STK33: variants seen among roughly 807,000 people sequenced by gnomAD.
STK33 encodes the protein serine/threonine-protein kinase 33.
STK33 carries 52 observed loss-of-function variants against 58.0 expected under a neutral mutation model. That is an observed-to-expected ratio of 0.90 (90% confidence interval 0.72 to 1.13). The LOEUF is 1.13. Ranked by LOEUF, STK33 falls within the 50% of genes most tolerant of loss-of-function variation. STK33 has a pLI of 0.00. For missense variants in STK33, 630 were observed against 604.2 expected, an observed-to-expected ratio of 1.04 and a Z score of -0.45; for synonymous variants, 215 against 200.1, an observed-to-expected ratio of 1.07 and a Z score of -0.63.
At chr11:8,394,288 T>TG (rs1431895613) in intron 15 of STK33, among the ~76,000 whole-genome samples, 3 of 152,212 alleles carry the variant, frequency 2.0e-5, no homozygotes, top group Admixed American at 6.5e-5. Context: ...AGTACAGTGC[T>TG]GGTCTCTAAG....
At chr11:8,440,528 CAACT>C (rs918914352) in intron 12 of STK33, 146 bp downstream of exon 12, 9 of 563,640 alleles carry the variant, frequency 1.6e-5, no homozygotes, top group African/African-American at 3.8e-5. Flanking sequence ...GTATACCTGA[CAACT>C]AATAAGAGAG....
Position 8,572,568 on chromosome 11 carries a change from G to T in STK33, c.-466+21515C>A, listed in dbSNP as rs142535977. Among the ~76,000 whole-genome samples the T allele has an allele frequency of 6.8e-4, 104 of 152,148 alleles. No homozygotes were observed. The Middle Eastern group carries it at 0.014, about 20-fold the overall frequency. On this transcript the variant is annotated intron_variant, in intron 1 of 15. Coordinates refer to ENST00000687296, the MANE Select transcript of STK33 (RefSeq NM_001352389.2). ...AATACATAAACATGATGAGAAAAAT[G>T]AAAGATTTTTTATTTATTTTATTTT...
At chr11:8,464,555 G>T (rs936527892) in intron 7 of STK33, among the ~76,000 whole-genome samples, 154 bp downstream of exon 7, 1 of 152,064 alleles carries the variant, frequency 6.6e-6, no homozygotes, top group Non-Finnish European at 1.5e-5. Context: ...CCCTTTCCGG[G>T]AGGCTAGAGA....
chr11:8,415,631 T>C (rs1292978305), intron 14 of STK33, among the ~76,000 whole-genome samples: 1 of 152,074 alleles, frequency 6.6e-6, no homozygotes, highest in Non-Finnish European at 1.5e-5. Context: ...GTGTCATTTG[T>C]CATCACCCAA....
chr11:8,463,999 A>G (rs1165028787), intron 7 of STK33, among the ~76,000 whole-genome samples: 4 of 152,238 alleles, frequency 2.6e-5, no homozygotes, highest in Non-Finnish European at 5.9e-5. Flanking sequence ...TTTGTTTTAA[A>G]TAATACATAA....
At chr11:8,432,028 T>C (rs1365007823) in intron 14 of STK33, among the ~76,000 whole-genome samples, 2 of 152,228 alleles carry the variant, frequency 1.3e-5, no homozygotes, top group African/African-American at 4.8e-5. Flanking sequence ...AAGTTCCTTA[T>C]GTCAGAGACC....
At chr11:8,440,226 T>G (rs1317959687) in intron 12 of STK33, among the ~76,000 whole-genome samples, 4 of 151,992 alleles carry the variant, frequency 2.6e-5, no homozygotes, top group African/African-American at 7.3e-5. Flanking sequence ...CTGGGAACTG[T>G]AGAATACTCC....
chr11:8,586,199 A>C lies in STK33; in HGVS notation c.-466+7884T>G, dbSNP rs187788446. ...GCCACTCCACTCTAGCCTGGTCAAG[A>C]GAGCCAGATCCTATCTCGGAAAAAA... On this transcript the variant is annotated intron_variant, in intron 1 of 15. Coordinates refer to ENST00000687296, the MANE Select transcript of STK33 (RefSeq NM_001352389.2). Among the ~76,000 whole-genome samples, 747 of 146,360 alleles carry C rather than the reference A, an allele frequency of 5.1e-3. 6 individuals are homozygous for C. The highest frequency in any genetic ancestry group is 6.8e-3 in the Non-Finnish European group (457 of 67,236).
At chr11:8,413,878 C>A (rs1940708169) in intron 14 of STK33, among the ~76,000 whole-genome samples, 186 bp from the exon 15 acceptor site, 2 of 152,168 alleles carry the variant, frequency 1.3e-5, no homozygotes, top group African/African-American at 2.4e-5. Context: ...TGGCTCACAT[C>A]CCTTGCATGA....
At chr11:8,439,802 C>G (rs1944491906) in intron 12 of STK33, among the ~76,000 whole-genome samples, 1 of 146,718 alleles carries the variant, frequency 6.8e-6, no homozygotes. Flanking sequence ...TGCCAAGATG[C>G]TCTGACACTT....
In STK33 at chr11:8,569,459, A is replaced by C. The variant is rs1179720056; in HGVS notation, c.-466+24624T>G. Among the ~76,000 whole-genome samples the C allele has an allele frequency of 2.0e-5, 3 of 152,236 alleles. No homozygotes were observed. In the East Asian group the frequency reaches 5.8e-4, roughly 29 times the overall value. ...CTCCTATCTCACACCACCCACAGAC[A>C]TTAACTTGAAATAGATCATACACAC... On this transcript the variant is annotated intron_variant, in intron 1 of 15. Transcript: ENST00000687296.
At chr11:8,337,539 G>C in the STK33 span, among the ~76,000 whole-genome samples, 1 of 151,960 alleles carries the variant, frequency 6.6e-6, no homozygotes, top group African/African-American at 2.4e-5. Context: ...GAGGAGCCAG[G>C]AGGCCACTGC....
At chr11:8,491,418 A>C (rs2138681443) in intron 1 of STK33, among the ~76,000 whole-genome samples, 1 of 152,314 alleles carries the variant, frequency 6.6e-6, no homozygotes, top group African/African-American at 2.4e-5. Flanking sequence ...GAAATGAACA[A>C]AGCCTCCAAG....
At chr11:8,540,462 A>G (rs1955418145) in intron 1 of STK33, among the ~76,000 whole-genome samples, 1 of 152,158 alleles carries the variant, frequency 6.6e-6, no homozygotes, top group African/African-American at 2.4e-5. Flanking sequence ...TGGGTGACAG[A>G]GCAAGACCCA....
chr11:8,568,649 T>C (rs572145882), intron 1 of STK33, among the ~76,000 whole-genome samples: 2 of 152,306 alleles, frequency 1.3e-5, no homozygotes, highest in East Asian at 3.9e-4. Context: ...TATTATAGTA[T>C]TTGATACTTC....
chr11:8,343,951 C>T, the STK33 span, among the ~76,000 whole-genome samples: 18 of 152,200 alleles, frequency 1.2e-4, no homozygotes, highest in Admixed American at 7.2e-4. Context: ...TTCCACTCCT[C>T]CACAGGAACT....
intron 15 of STK33, among the ~76,000 whole-genome samples, chr11:8,400,373 T>C (rs1447179377): frequency 3.3e-5 from 5 of 152,176 alleles, no homozygotes; most frequent in Non-Finnish European, 7.3e-5. Context: ...AAAAACCATA[T>C]GATTATCTCA....
chr11:8,541,785 A>C (rs1183749279), intron 1 of STK33, among the ~76,000 whole-genome samples: 1 of 152,188 alleles, frequency 6.6e-6, no homozygotes, highest in Non-Finnish European at 1.5e-5. Flanking sequence ...TATCTGAAAA[A>C]TTAAGGTCAC....
chr11:8,502,765 A>C (rs763221891), intron 1 of STK33, among the ~76,000 whole-genome samples: 2 of 152,234 alleles, frequency 1.3e-5, no homozygotes, highest in Admixed American at 6.5e-5. Context: ...AGAATCTATA[A>C]GGAACTTAAA....
Sources: gnomAD v4.1 joint callset for allele counts (sites outside exome capture counted in the v4.1 genomes callset) on GRCh38, gnomAD v4.1.1 for gene constraint, MANE v1.5 for transcripts, NCBI Gene and HGNC (gene_info 2026-07-23, HGNC 2026-07-21) for gene names.